Variants in PCGF5 observed in about 807,000 individuals in gnomAD.
PCGF5 encodes polycomb group RING finger protein 5.
PCGF5 carries 9 observed loss-of-function variants against 44.3 expected under a neutral mutation model. The ratio of observed to expected loss-of-function variants is 0.20; its 90% confidence interval spans 0.12 to 0.35. The LOEUF (loss-of-function observed/expected upper bound fraction) is 0.35. Among genes scored for constraint, PCGF5 ranks in the 10% least tolerant of loss-of-function variants. PCGF5 has a pLI of 1.00. For synonymous variants in PCGF5, 95 were observed against 102.5 expected, an observed-to-expected ratio of 0.93 and a Z score of 0.44; for missense variants, 146 against 305.3, an observed-to-expected ratio of 0.48 and a Z score of 3.89.
chr10:91,187,405 G>A (rs1843947092), intron 1 of PCGF5, among the ~76,000 whole-genome samples: 1 of 152,022 alleles, frequency 6.6e-6, no homozygotes, highest in Admixed American at 6.6e-5. Flanking sequence ...GAATGCACCT[G>A]CTTTGTGGAT....
chr10:91,181,611 G>A (rs972938072), intron 1 of PCGF5, among the ~76,000 whole-genome samples: 1 of 152,166 alleles, frequency 6.6e-6, no homozygotes, highest in Non-Finnish European at 1.5e-5. Context: ...CATCTATTGA[G>A]TTAATTGTGG....
At position 91,185,298 on chromosome 10, in the gene PCGF5, TG is replaced by T. The variant is rs537726036; in HGVS notation, c.-184+22219del. The stretch of plus-strand genomic sequence containing the variant: ...TTAAAGAAGCAGTCTGGCCATGTTT[TG>T]GTAGAGCAGCTGTGCTGTGCTGGGG... On this transcript the variant is annotated intron_variant, in intron 1 of 9. Coordinates refer to the PCGF5 transcript ENST00000614189. 6.6e-3 allele frequency among the ~76,000 whole-genome samples: 1,003 copies of T among 152,318 alleles called. 10 individuals are homozygous for T. The highest frequency in any genetic ancestry group is 0.023 in the African/African-American group (962 of 41,576).
chr10:91,243,930 A>T (rs1194730260), intron 3 of PCGF5, among the ~76,000 whole-genome samples: 3 of 152,220 alleles, frequency 2.0e-5, no homozygotes, highest in Non-Finnish European at 2.9e-5. Context: ...TAGAAGGAAG[A>T]TGGAGAGCTC....
intron 6 of PCGF5, among the ~76,000 whole-genome samples, chr10:91,251,668 C>G (rs1175555981): frequency 1.3e-5 from 2 of 152,024 alleles, no homozygotes; most frequent in African/African-American, 4.8e-5. Context: ...CCCAGAATCA[C>G]ACCTCTGTTT....
At chr10:91,196,127 A>G (rs1844129472) in intron 1 of PCGF5, among the ~76,000 whole-genome samples, 1 of 151,990 alleles carries the variant, frequency 6.6e-6, no homozygotes, top group Non-Finnish European at 1.5e-5. Context: ...CTGGTTTCCT[A>G]CAGATATTTC....
intron 1 of PCGF5, among the ~76,000 whole-genome samples, chr10:91,205,310 C>T (rs142725531): frequency 8.0e-4 from 121 of 151,756 alleles, no homozygotes; most frequent in African/African-American, 2.9e-3. Context: ...CACACACACA[C>T]GGCCCAGCTA....
intron 8 of PCGF5, among the ~76,000 whole-genome samples, chr10:91,270,962 G>T (rs1340759605): frequency 6.6e-6 from 1 of 151,870 alleles, no homozygotes; most frequent in Non-Finnish European, 1.5e-5. Context: ...TAAAGTAGTA[G>T]GTTTACAAAT....
In PCGF5 at chr10:91,230,920, G is replaced by A. The variant is rs560743878; in HGVS notation, c.112+7937G>A. The stretch of plus-strand genomic sequence containing the variant: ...TTATAGGTGTCAGCCACTGTGCCCA[G>A]CCTATTTATTTTAGAGACGGGATCT... On this transcript the variant is annotated intron_variant, in intron 2 of 9. Coordinates refer to ENST00000336126, the MANE Select transcript of PCGF5 (RefSeq NM_032373.5). Among the ~76,000 whole-genome samples, 44 of 152,160 alleles carry A rather than the reference G, an allele frequency of 2.9e-4. 1 individual carries two copies. The highest frequency in any genetic ancestry group is 8.5e-4 in the Admixed American group (13 of 15,276).
rs886600328 is a variant in PCGF5, at chr10:91,186,556, ATATG to A, written c.-184+23477_-184+23480del. ...TGTGTGTGTGTGTATATATATATAT[ATATG>A]TGTGTGTGTGTATATATATGTGTGT... On this transcript the variant is annotated intron_variant, in intron 1 of 9. Transcript: ENST00000614189. Among the ~76,000 whole-genome samples the A allele has an allele frequency of 2.1e-5, 3 of 142,066 alleles. 1 individual carries two copies. Among genetic ancestry groups the A allele is most frequent in the African/African-American group, 5.0e-5 (2 of 40,372 alleles). 93.2% of individuals were successfully genotyped at this position (142,066 alleles called of 152,430 possible). A position where few individuals can be genotyped will look rare whatever the true frequency, so the allele number is the denominator to read the frequency against.
intron 1 of PCGF5, among the ~76,000 whole-genome samples, chr10:91,205,380 A>G (rs181111084): frequency 1.2e-4 from 19 of 152,222 alleles, no homozygotes; most frequent in Admixed American, 3.9e-4. Context: ...TAAATCCTTC[A>G]CAGATAATCT....
intron 1 of PCGF5, among the ~76,000 whole-genome samples, chr10:91,179,338 A>T (rs1426799228): frequency 6.6e-6 from 1 of 152,234 alleles, no homozygotes; most frequent in Non-Finnish European, 1.5e-5. Context: ...TTTTTAAAAA[A>T]AAATTAATCT....
chr10:91,217,080 A>T (rs572614547), upstream of PCGF5, among the ~76,000 whole-genome samples: 1 of 151,994 alleles, frequency 6.6e-6, no homozygotes, highest in East Asian at 1.9e-4. Flanking sequence ...GTCGCCCAGG[A>T]TGGAGTGCAG....
intron 1 of PCGF5, among the ~76,000 whole-genome samples, chr10:91,183,582 A>T (rs1387462843): frequency 9.9e-5 from 15 of 152,002 alleles, no homozygotes; most frequent in African/African-American, 3.1e-4. Context: ...GTTAGTATTG[A>T]TATGTGAGGA....
intron 7 of PCGF5, among the ~76,000 whole-genome samples, chr10:91,262,477 A>G (rs933073475): frequency 6.6e-6 from 1 of 152,180 alleles, no homozygotes; most frequent in Non-Finnish European, 1.5e-5. Flanking sequence ...TTTCCTATAT[A>G]AACAAAGACA....
upstream of PCGF5, among the ~76,000 whole-genome samples, chr10:91,219,509 A>C (rs955440718): frequency 6.6e-6 from 1 of 152,210 alleles, no homozygotes; most frequent in Admixed American, 6.5e-5. Context: ...GAAAGATATG[A>C]AGCATAAAGA....
chr10:91,216,626 T>C (rs1254798985), upstream of PCGF5, among the ~76,000 whole-genome samples: 1 of 152,130 alleles, frequency 6.6e-6, no homozygotes, highest in East Asian at 1.9e-4. Flanking sequence ...TAAGAGTTCA[T>C]TGAGTGATAG....
At chr10:91,253,448 A>G (rs1278396993) in intron 6 of PCGF5, among the ~76,000 whole-genome samples, 1 of 151,850 alleles carries the variant, frequency 6.6e-6, no homozygotes, top group African/African-American at 2.4e-5. Context: ...TTATGTCTCT[A>G]TTTTTAAATA....
chr10:91,203,565 A>G (rs184506352), intron 1 of PCGF5, among the ~76,000 whole-genome samples: 59 of 152,306 alleles, frequency 3.9e-4, no homozygotes, highest in Non-Finnish European at 8.1e-4. Flanking sequence ...TCTTTCCTGT[A>G]TTACATTGAA....
chr10:91,227,349 A>G, intron 2 of PCGF5: 1 of 1,138,130 alleles, frequency 8.8e-7, no homozygotes, highest in Non-Finnish European at 1.2e-6. Context: ...GCAGAATCCT[A>G]CTGGATGTCC....
Sources: allele counts gnomAD v4.1 joint callset (sites outside exome capture counted in the v4.1 genomes callset), GRCh38; gene constraint gnomAD v4.1.1; transcripts MANE v1.5; gene names NCBI Gene and HGNC (gene_info 2026-07-23, HGNC 2026-07-21).